ZNF644: variants seen among roughly 807,000 people sequenced by gnomAD.
The protein encoded by ZNF644 is zinc finger motif enhancer binding protein 2.
A neutral mutation model predicts 108.0 loss-of-function variants in ZNF644; 20 were observed. The ratio of observed to expected loss-of-function variants is 0.19; its 90% CI spans 0.13 to 0.27. ZNF644 has a LOEUF of 0.27. Among genes scored for constraint, ZNF644 ranks in the 10% least tolerant of loss-of-function variants. ZNF644 has a pLI of 1.00. For missense variants in ZNF644, 1,338 were observed against 1,548.9 expected (o/e 0.86, Z 2.29); for synonymous variants, 542 against 539.1 (o/e 1.01, Z -0.08).
chr1:90,988,059 A>G (rs982064912), intron 1 of ZNF644, among the ~76,000 whole-genome samples: 6 of 152,262 alleles, frequency 3.9e-5, no homozygotes, highest in African/African-American at 1.4e-4. Flanking sequence ...TCCTAGCCAG[A>G]GCAATTAGAC....
intron 2 of ZNF644, among the ~76,000 whole-genome samples, chr1:90,954,683 AGGCGTG>A (rs1653562733): frequency 6.6e-6 from 1 of 152,242 alleles, no homozygotes; most frequent in Non-Finnish European, 1.5e-5. Context: ...CTAGGATTAC[AGGCGTG>A]AGCCATGGCA....
chr1:90,922,642 G>A (rs1389691661), intron 4 of ZNF644, among the ~76,000 whole-genome samples: 1 of 151,908 alleles, frequency 6.6e-6, no homozygotes, highest in Admixed American at 6.6e-5. Context: ...TGTTATATAG[G>A]TAAATTGTCA....
intron 2 of ZNF644, among the ~76,000 whole-genome samples, chr1:90,963,605 T>C (rs1293940783): frequency 6.6e-6 from 1 of 152,170 alleles, no homozygotes; most frequent in Non-Finnish European, 1.5e-5. Context: ...ATTATACAAG[T>C]GAACCATAGC....
At chr1:90,998,025 G>A (rs1228336851) in intron 1 of ZNF644, among the ~76,000 whole-genome samples, 1 of 152,218 alleles carries the variant, frequency 6.6e-6, no homozygotes, top group African/African-American at 2.4e-5. Flanking sequence ...GCTGAGGCTT[G>A]AGTAGGTAAA....
rs1024565779 is a variant in ZNF644, at chr1:90,961,969, G to C, written c.44+20341C>G. On this transcript the variant is annotated intron_variant, in intron 2 of 5. Transcript: ENST00000337393. ...AAAATGTCAATTGTGCCAAGGCTGAGAAACAATCTTGATAAAAGCAACAAA... is the reference window on the plus strand; with the variant it reads ...AAAATGTCAATTGTGCCAAGGCTGACAAACAATCTTGATAAAAGCAACAAA... 1.5e-4 allele frequency among the ~76,000 whole-genome samples: 23 copies of C among 152,026 alleles called. No individual in the cohort carries two copies. The South Asian group carries it at 2.7e-3, about 18-fold the overall frequency.
chr1:90,972,465 G>A (rs1450849412), intron 2 of ZNF644, among the ~76,000 whole-genome samples: 1 of 152,080 alleles, frequency 6.6e-6, no homozygotes, highest in Non-Finnish European at 1.5e-5. Flanking sequence ...AAAACAAAAT[G>A]TCAAGTGTTG....
intron 1 of ZNF644, among the ~76,000 whole-genome samples, chr1:90,993,479 A>C (rs1657834905): frequency 6.6e-6 from 1 of 152,194 alleles, no homozygotes; most frequent in South Asian, 2.1e-4. Context: ...TTCTAATCAA[A>C]ATGTTTATTG....
chr1:91,006,859 T>C (rs537942857), intron 1 of ZNF644, among the ~76,000 whole-genome samples: 6 of 152,262 alleles, frequency 3.9e-5, no homozygotes, highest in South Asian at 2.1e-4. Flanking sequence ...GTTCCTGATA[T>C]AGTACTTTTG....
At chr1:90,922,950 C>T (rs1649627633) in intron 4 of ZNF644, among the ~76,000 whole-genome samples, 1 of 152,084 alleles carries the variant, frequency 6.6e-6, no homozygotes, top group Non-Finnish European at 1.5e-5. Context: ...ATTTTCTTTC[C>T]TTTGGCCTCA....
intron 2 of ZNF644, among the ~76,000 whole-genome samples, chr1:90,980,514 G>C (rs1416103414): frequency 2.0e-5 from 3 of 152,138 alleles, no homozygotes; most frequent in Non-Finnish European, 2.9e-5. Context: ...AGAAGGAAAA[G>C]AGTATAAAAA....
chr1:90,919,043 T>C (rs1429636103), intron 4 of ZNF644, among the ~76,000 whole-genome samples: 1 of 152,140 alleles, frequency 6.6e-6, no homozygotes, highest in Non-Finnish European at 1.5e-5. Context: ...TTTCCATTAA[T>C]TGACTTTTCC....
At chr1:90,989,040 A>T (rs1657385737) in intron 1 of ZNF644, among the ~76,000 whole-genome samples, 1 of 152,210 alleles carries the variant, frequency 6.6e-6, no homozygotes, top group Non-Finnish European at 1.5e-5. Context: ...TAAAAGTTAA[A>T]AACTTCTGTA....
chr1:90,966,305 A>G (rs1285732129), intron 2 of ZNF644, among the ~76,000 whole-genome samples: 1 of 152,134 alleles, frequency 6.6e-6, no homozygotes, highest in Non-Finnish European at 1.5e-5. Flanking sequence ...CACCTGATAC[A>G]TTATTATTTG....
intron 1 of ZNF644, among the ~76,000 whole-genome samples, chr1:91,012,981 T>G (rs1660098286): frequency 6.6e-6 from 1 of 152,242 alleles, no homozygotes; most frequent in South Asian, 2.1e-4. Flanking sequence ...ACTTTCCCTT[T>G]TGAAGATCGA....
At chr1:91,013,292 T>C (rs1660126684) in intron 1 of ZNF644, among the ~76,000 whole-genome samples, 1 of 152,058 alleles carries the variant, frequency 6.6e-6, no homozygotes, top group African/African-American at 2.4e-5. Flanking sequence ...GCCAAGCTGG[T>C]CTCAAACTCC....
At position 90,916,633 on chromosome 1, in the gene ZNF644, T is replaced by C. The variant is rs1383807382; in HGVS notation, c.*165A>G. ...TCCACCCTATATAAAATATATAGAC[T>C]ACTTACTGTTTTAAGTATTCAATTT... On this transcript the variant is annotated 3_prime_UTR_variant, in exon 6 of 6. Coordinates refer to ENST00000337393, the MANE Select transcript of ZNF644 (RefSeq NM_201269.3). The C allele has an allele frequency of 1.1e-5, 8 of 714,702 alleles. No individual in the cohort carries two copies. Among genetic ancestry groups the C allele is most frequent in the Middle Eastern group, 4.0e-4 (1 of 2,526 alleles). 44.3% of individuals were successfully genotyped at this position (714,702 alleles called of 1,614,324 possible).
At chr1:90,970,871 A>G (rs1372044709) in intron 2 of ZNF644, among the ~76,000 whole-genome samples, 4 of 151,904 alleles carry the variant, frequency 2.6e-5, no homozygotes, top group Admixed American at 6.6e-5. Flanking sequence ...GTGGTGGCAC[A>G]TGCCTGTAGT....
intron 1 of ZNF644, among the ~76,000 whole-genome samples, chr1:90,987,267 T>TTA (rs1553158689): frequency 1.8e-5 from 2 of 108,802 alleles, no homozygotes; most frequent in Admixed American, 1.9e-4. Flanking sequence ...TTTTTTTTTT[T>TTA]AAAAAAAGAT....
At chr1:90,949,427 A>G (rs940620082) in intron 2 of ZNF644, among the ~76,000 whole-genome samples, 2 of 152,138 alleles carry the variant, frequency 1.3e-5, no homozygotes, top group African/African-American at 4.8e-5. Context: ...TCACTATTCT[A>G]CAAGTATCTT....
Sources: allele counts gnomAD v4.1 joint callset (sites outside exome capture counted in the v4.1 genomes callset), GRCh38; gene constraint gnomAD v4.1.1; transcripts MANE v1.5; gene names NCBI Gene and HGNC (gene_info 2026-07-23, HGNC 2026-07-21).